The following TRAF3IP2 variants were observed in gnomAD, a reference collection of about 807,000 sequenced individuals.
The protein encoded by TRAF3IP2 is E3 ubiquitin ligase TRAF3IP2.
Under a neutral mutation model 57.9 loss-of-function variants are expected in TRAF3IP2, and 35 were observed. That is an observed-to-expected ratio of 0.60 (90% CI 0.46 to 0.80). The LOEUF is 0.80. TRAF3IP2 is among the 30% of genes least tolerant of loss of function. The pLI is 0.00. For missense variants in TRAF3IP2, 556 were observed against 706.4 expected (o/e 0.79, Z 2.41); for synonymous variants, 251 against 268.9 (o/e 0.93, Z 0.65).
At position 111,566,554 on chromosome 6, in the gene TRAF3IP2, C is replaced by T. The variant is rs1795642581; in HGVS notation, c.1366G>A (p.Val456Met). ...GGGCTGATTGCTACGATTATCATCA[C>T]GGTCTTCTGTTAATGAGAGGGAGAA... ...WMERYLRDKTVMIIVAISPKY... is the reference protein window; with the variant it reads ...WMERYLRDKTMMIIVAISPKY... Residue 456 changes from valine to methionine, a missense_variant, in exon 7 of 9, where the codon GTG (valine) becomes ATG (methionine). Val to Met is a conservative substitution (Grantham distance 21, BLOSUM62 1). Around this residue, in one of 2 missense-constraint regions of TRAF3IP2, gnomAD observed 128 missense variants for 207.7 expected, o/e 0.62. Coordinates refer to ENST00000368761, the MANE Select transcript of TRAF3IP2 (RefSeq NM_147686.4). The T allele has an allele frequency of 1.5e-5, 24 of 1,613,944 alleles. No individual in the cohort carries two copies. The highest frequency in any genetic ancestry group is 2.2e-5 in the East Asian group (1 of 44,886).
chr6:111,579,697 A>G (rs2128377581), intron 3 of TRAF3IP2, among the ~76,000 whole-genome samples: 1 of 152,310 alleles, frequency 6.6e-6, no homozygotes, highest in South Asian at 2.1e-4. Context: ...GCACCACTGC[A>G]CTCCAGCCTG....
At chr6:111,566,964 C>T (rs1473045729) in intron 6 of TRAF3IP2, 3 of 324,266 alleles carry the variant, frequency 9.3e-6, no homozygotes, top group Admixed American at 4.6e-5. Flanking sequence ...CTGTCTTCTG[C>T]GTGTACACAT....
At position 111,559,382 on chromosome 6, in the gene TRAF3IP2, C is replaced by T. The variant is rs770569685; in HGVS notation, c.*23G>A. The T allele has an allele frequency of 6.2e-7, 1 of 1,610,022 alleles. No individual in the cohort carries two copies. Among genetic ancestry groups the T allele is most frequent in the South Asian group, 1.1e-5 (1 of 90,632 alleles). ...CAAGGCCCCAAACATGGCCTGGCCTCAGTGATCTGGGGATGAACGGTGTCA... is the reference window on the plus strand; with the variant it reads ...CAAGGCCCCAAACATGGCCTGGCCTTAGTGATCTGGGGATGAACGGTGTCA... On this transcript the variant is annotated 3_prime_UTR_variant, in exon 9 of 9. Transcript: ENST00000368761.
Position 111,577,122 on chromosome 6 carries a change from G to GA in TRAF3IP2, c.1023-1302dup, listed in dbSNP as rs556317744. 1.0e-4 allele frequency: 15 copies of GA among 148,760 alleles called. No individual in the cohort carries two copies. The East Asian group carries it at 1.8e-3, about 17-fold the overall frequency. The allele number at this position is 148,760 out of a possible 1,614,324, so 9.2% of individuals were successfully genotyped here. A position where few individuals can be genotyped will look rare whatever the true frequency, so the allele number is the denominator to read the frequency against. On this transcript the variant is annotated intron_variant, in intron 3 of 8. Coordinates refer to ENST00000368761, the MANE Select transcript of TRAF3IP2 (RefSeq NM_147686.4). ...TAAAATATGCTTTCAGCTAATGGGG[G>GA]ATCCCATTCCATATTTTTTTCTTTT...
intron 1 of TRAF3IP2, chr6:111,600,877 T>C: frequency 4.5e-6 from 1 of 223,934 alleles, no homozygotes; most frequent in East Asian, 8.9e-5. Flanking sequence ...GGAAATGCTG[T>C]TCCAAGTGTG....
At chr6:111,563,534 G>A (rs1048214020) in intron 7 of TRAF3IP2, among the ~76,000 whole-genome samples, 1 of 152,176 alleles carries the variant, frequency 6.6e-6, no homozygotes, top group Non-Finnish European at 1.5e-5. Flanking sequence ...ACCAACCAGA[G>A]TGCCGGGTGA....
Position 111,591,122 on chromosome 6 carries a change from CCCCTAAGAGAAGCAGAATGCCCT to C in TRAF3IP2, c.829+113_829+135del, listed in dbSNP as rs1476267360. 1 of 596,314 alleles carries C rather than the reference CCCCTAAGAGAAGCAGAATGCCCT, an allele frequency of 1.7e-6. No homozygotes were observed. The highest frequency in any genetic ancestry group is 2.7e-6 in the Non-Finnish European group (1 of 370,544). The allele number at this position is 596,314 out of a possible 1,614,324, so 36.9% of individuals were successfully genotyped here. A position where few individuals can be genotyped will look rare whatever the true frequency, so the allele number is the denominator to read the frequency against. On this transcript the variant is annotated intron_variant, in intron 2 of 8. Transcript: ENST00000368761. This position sits in a 1 kb window ranked among gnomAD's most constrained non-coding sequence, Gnocchi z 4.9. ...TGCAAATCCAGCCACACATGGAAAG[CCCCTAAGAGAAGCAGAATGCCCT>C]CCCTGCATTCTGACCTGTTCATGCC...
chr6:111,572,858 ATAACTGTTCAGT>A lies in TRAF3IP2; in HGVS notation c.1290+25_1290+36del, dbSNP rs773358161. 4.3e-5 allele frequency: 65 copies of A among 1,500,650 alleles called. No individual in the cohort carries two copies. In the African/African-American group the frequency reaches 8.4e-4, roughly 19 times the overall value. 93.0% of individuals were successfully genotyped at this position (1,500,650 alleles called of 1,614,324 possible). On this transcript the variant is annotated intron_variant, in intron 5 of 8. Coordinates refer to ENST00000368761, the MANE Select transcript of TRAF3IP2 (RefSeq NM_147686.4). Reference sequence around the variant, plus strand: ...TGCTTTTCTCTCCATTGTACTCACTATAACTGTTCAGTTATCTATTTGGACAAAATACTTACT... The same window carrying A: ...TGCTTTTCTCTCCATTGTACTCACTATATCTATTTGGACAAAATACTTACT...
intron 1 of TRAF3IP2, chr6:111,601,075 A>G (rs1796845353): frequency 3.3e-6 from 2 of 597,976 alleles, no homozygotes; most frequent in African/African-American, 3.7e-5. Context: ...CTGTGCACTT[A>G]ACCGCTTGCA....
intron 1 of TRAF3IP2, among the ~76,000 whole-genome samples, chr6:111,595,061 G>C: frequency 6.6e-6 from 1 of 152,170 alleles, no homozygotes; most frequent in South Asian, 2.1e-4. Context: ...GTGAAACCCT[G>C]TCTCTACTAA....
intron 5 of TRAF3IP2, among the ~76,000 whole-genome samples, chr6:111,567,904 T>C (rs184718681): frequency 1.7e-3 from 258 of 152,380 alleles, no homozygotes; most frequent in Non-Finnish European, 3.2e-3. Flanking sequence ...GTTAATGTTA[T>C]GTCCATAATT....
At chr6:111,566,366 G>A (rs1562419755) in intron 7 of TRAF3IP2, 78 bp downstream of exon 7, 1 of 1,148,958 alleles carries the variant, frequency 8.7e-7, no homozygotes, top group East Asian at 2.4e-5. Flanking sequence ...GCTGGTCTCT[G>A]GGGAAGAATG....
Position 111,559,178 on chromosome 6 carries a change from T to C in TRAF3IP2, c.*227A>G, listed in dbSNP as rs893778794. The C allele has an allele frequency of 5.1e-5, 25 of 491,326 alleles. No homozygotes were observed. The highest frequency in any genetic ancestry group is 5.5e-4 in the Middle Eastern group (1 of 1,834). The allele number at this position is 491,326 out of a possible 1,614,324, so 30.4% of individuals were successfully genotyped here. A position where few individuals can be genotyped will look rare whatever the true frequency, so the allele number is the denominator to read the frequency against. ...GACACTGGCACCTGCAATGGTTTTT[T>C]TAAAAGCAGAGAATGCAGAGCAGTC... On this transcript the variant is annotated 3_prime_UTR_variant, in exon 9 of 9. Coordinates refer to ENST00000368761, the MANE Select transcript of TRAF3IP2 (RefSeq NM_147686.4).
chr6:111,593,227 A>G (rs1478658654), intron 1 of TRAF3IP2, among the ~76,000 whole-genome samples: 1 of 152,254 alleles, frequency 6.6e-6, no homozygotes, highest in Non-Finnish European at 1.5e-5. Flanking sequence ...AGGCTAGTAC[A>G]CAGCATACTT....
At chr6:111,579,843 T>C (rs1293955943) in intron 3 of TRAF3IP2, among the ~76,000 whole-genome samples, 2 of 152,054 alleles carry the variant, frequency 1.3e-5, no homozygotes, top group Non-Finnish European at 2.9e-5. Flanking sequence ...ATATAAAGAG[T>C]TGGCTAACAG....
rs1245733568 is a variant in TRAF3IP2 at position 111,567,668 on chromosome 6, G to A, written c.1315C>T (p.Arg439Ter). 2.5e-6 allele frequency: 4 copies of A among 1,607,254 alleles called. No homozygotes were observed. The highest frequency in any genetic ancestry group is 1.7e-5 in the Admixed American group (1 of 58,992). Reference protein sequence around the residue: ...TAIDIFEDRIRGIDIIKWMER... With the variant: ...TAIDIFEDRI ...ATCCATTTAATGATATCAATGCCTC[G>A]GATTCTATCCTCAAATATGTCAATC... Residue 439 changes from arginine (R) to a stop codon, truncating the protein, a stop_gained, in exon 6 of 9, where the codon CGA (arginine) becomes TGA (stop). Transcript: ENST00000368761. LOFTEE classifies it high-confidence loss of function.
At chr6:111,595,555 C>T (rs185375058) in intron 1 of TRAF3IP2, among the ~76,000 whole-genome samples, 37 of 152,274 alleles carry the variant, frequency 2.4e-4, no homozygotes, top group African/African-American at 7.9e-4. Context: ...GCATGCCGGG[C>T]GCCGTGACTC....
At chr6:111,601,635 A>AT (rs1796867759) in intron 1 of TRAF3IP2, 2 of 156,018 alleles carry the variant, frequency 1.3e-5, no homozygotes, top group Admixed American at 1.3e-4. Flanking sequence ...AACTGCTTGG[A>AT]TTTTTTCTTA....
intron 3 of TRAF3IP2, among the ~76,000 whole-genome samples, chr6:111,579,096 C>T (rs966571234): frequency 3.3e-5 from 5 of 151,570 alleles, no homozygotes; most frequent in African/African-American, 7.3e-5. Context: ...TTTGGGAGGC[C>T]GAGGCGGGCA....
Sources: gnomAD v4.1 joint callset for allele counts (sites outside exome capture counted in the v4.1 genomes callset) on GRCh38, gnomAD v4.1.1 for gene constraint, gnomAD v4.1.1 regional missense constraint, Gnocchi (gnomAD v3.1) non-coding constraint, MANE v1.5 for transcripts, NCBI Gene and HGNC (gene_info 2026-07-23, HGNC 2026-07-21) for gene names.